The following APBB2 variants were observed in gnomAD, a reference collection of about 807,000 sequenced individuals.
APBB2 encodes Fe65-like 1.
In APBB2, 38 loss-of-function variants were observed where a neutral mutation model predicts 82.5. The observed-to-expected ratio is 0.46, with a 90% CI of 0.36 to 0.60. The LOEUF (loss-of-function observed/expected upper bound fraction) is 0.60, where lower values mean the gene tolerates loss of function less well. Ranked by LOEUF, APBB2 falls within the 20% of genes least tolerant of loss-of-function variation. The probability of loss-of-function intolerance (pLI) is 0.00; values close to 1 mark genes in which losing one functional copy is unlikely to be tolerated. For missense variants in APBB2, 772 were observed against 972.3 expected (o/e 0.79, Z 2.74); for synonymous variants, 341 against 368.2 (o/e 0.93, Z 0.85).
chr4:40,931,496 C>G (rs1484111632), intron 10 of APBB2, among the ~76,000 whole-genome samples: 1 of 152,160 alleles, frequency 6.6e-6, no homozygotes, highest in Non-Finnish European at 1.5e-5. Flanking sequence ...TCTCAAACTC[C>G]TGGGCTCTCG....
chr4:40,842,829 C>T (rs548643070), intron 12 of APBB2, among the ~76,000 whole-genome samples: 5 of 152,144 alleles, frequency 3.3e-5, no homozygotes, highest in Non-Finnish European at 7.4e-5. Context: ...TCACTGGAAT[C>T]CAGGCACTTT....
At chr4:41,020,339 C>T (rs1811146222) in intron 5 of APBB2, among the ~76,000 whole-genome samples, 2 of 152,158 alleles carry the variant, frequency 1.3e-5, no homozygotes, top group African/African-American at 4.8e-5. Context: ...GGAGGAACTC[C>T]TTCAGGACAG....
At chr4:40,933,786 T>C (rs915293041) in intron 10 of APBB2, among the ~76,000 whole-genome samples, 3 of 152,140 alleles carry the variant, frequency 2.0e-5, no homozygotes, top group Non-Finnish European at 2.9e-5. Context: ...GGACATTCCA[T>C]TGGACTTGAC....
At chr4:41,166,952 G>A (rs559134489) in intron 1 of APBB2, among the ~76,000 whole-genome samples, 1 of 152,286 alleles carries the variant, frequency 6.6e-6, no homozygotes, top group East Asian at 1.9e-4. Context: ...GCAAGTGGTG[G>A]GTGACTGAAC....
At chr4:41,054,080 G>A (rs969356595) in intron 4 of APBB2, among the ~76,000 whole-genome samples, 1 of 152,176 alleles carries the variant, frequency 6.6e-6, no homozygotes. Flanking sequence ...TGCAGGTGTT[G>A]GCTTGAAAAC....
At chr4:40,945,204 T>C (rs1273582481) in intron 6 of APBB2, 131 bp from the exon 7 acceptor site, 1 of 689,310 alleles carries the variant, frequency 1.5e-6, no homozygotes, top group Non-Finnish European at 2.5e-6. Context: ...CCTGGTATGT[T>C]TGTGAAATCC....
At chr4:40,974,117 G>A (rs763733133) in intron 6 of APBB2, among the ~76,000 whole-genome samples, 7 of 152,002 alleles carry the variant, frequency 4.6e-5, no homozygotes, top group Non-Finnish European at 8.8e-5. Context: ...CTCCAAAAGT[G>A]CTGGGATTAC....
intron 4 of APBB2, among the ~76,000 whole-genome samples, chr4:41,049,298 C>G (rs1408004530): frequency 6.8e-6 from 1 of 147,094 alleles, no homozygotes. Flanking sequence ...AGTGAGGAGC[C>G]CCTCTGCCCG....
chr4:41,214,149 C>A (rs34585052), intron 1 of APBB2, among the ~76,000 whole-genome samples: 1 of 152,174 alleles, frequency 6.6e-6, no homozygotes, highest in Non-Finnish European at 1.5e-5. Context: ...GCCACTGGCC[C>A]TGCGGCGCGG....
chr4:41,209,911 T>A (rs999351705), intron 1 of APBB2, among the ~76,000 whole-genome samples: 5 of 152,014 alleles, frequency 3.3e-5, no homozygotes, highest in African/African-American at 1.2e-4. Context: ...AAACCAGTGG[T>A]CTCCAGACAG....
At chr4:40,835,955 C>T (rs1264914237) in intron 12 of APBB2, among the ~76,000 whole-genome samples, 1 of 152,088 alleles carries the variant, frequency 6.6e-6, no homozygotes, top group Non-Finnish European at 1.5e-5. Context: ...AGCTAAGCAC[C>T]CCATCACTGG....
intron 4 of APBB2, among the ~76,000 whole-genome samples, chr4:41,055,587 A>G (rs1020930671): frequency 1.3e-5 from 2 of 152,060 alleles, no homozygotes; most frequent in African/African-American, 4.8e-5. Context: ...TGACCTTGGA[A>G]CTTCCTCTCT....
intron 12 of APBB2, among the ~76,000 whole-genome samples, chr4:40,864,984 G>A (rs888243803): frequency 4.0e-5 from 6 of 151,344 alleles, no homozygotes; most frequent in Admixed American, 2.6e-4. Context: ...TCAGCCTCCC[G>A]AGTAGCTGGG....
intron 2 of APBB2, among the ~76,000 whole-genome samples, chr4:41,109,750 G>A (rs13106455): frequency 0.17 from 25,883 of 152,206 alleles, 2,790 homozygotes; most frequent in Admixed American, 0.24. Context: ...GATTACAGCC[G>A]TGAGCCACTG....
At chr4:40,862,874 A>AAC (rs1453611407) in intron 12 of APBB2, among the ~76,000 whole-genome samples, 1 of 140,092 alleles carries the variant, frequency 7.1e-6, no homozygotes, top group Non-Finnish European at 1.5e-5. Context: ...AAAAAAAAAA[A>AAC]GCGCCACAAT....
At chr4:40,891,111 A>T (rs1431952408) in intron 11 of APBB2, among the ~76,000 whole-genome samples, 1 of 152,218 alleles carries the variant, frequency 6.6e-6, no homozygotes, top group Non-Finnish European at 1.5e-5. Flanking sequence ...GATTGTTACT[A>T]TCCCAGTTAG....
intron 10 of APBB2, among the ~76,000 whole-genome samples, chr4:40,906,421 G>A (rs1433903711): frequency 6.9e-6 from 1 of 145,758 alleles, no homozygotes; most frequent in East Asian, 2.0e-4. Flanking sequence ...GAGCTGAGGT[G>A]CGCCACTGCA....
chr4:40,860,697 T>A (rs1307421475), intron 12 of APBB2, among the ~76,000 whole-genome samples: 1 of 152,248 alleles, frequency 6.6e-6, no homozygotes, highest in Non-Finnish European at 1.5e-5. Context: ...CAGTTTCCCG[T>A]TGTATTTTCG....
intron 6 of APBB2, among the ~76,000 whole-genome samples, chr4:40,957,055 C>T (rs1791819024): frequency 6.6e-6 from 1 of 152,198 alleles, no homozygotes; most frequent in Non-Finnish European, 1.5e-5. Flanking sequence ...GGCTTAAATT[C>T]TAATGACCCA....
Sources: gnomAD v4.1 joint callset for allele counts (sites outside exome capture counted in the v4.1 genomes callset) on GRCh38, gnomAD v4.1.1 for gene constraint, MANE v1.5 for transcripts, NCBI Gene and HGNC (gene_info 2026-07-23, HGNC 2026-07-21) for gene names.